MCM3AP: variants seen among roughly 807,000 people sequenced by gnomAD.
MCM3AP encodes the protein minichromosome maintenance complex component 3 associated protein.
A neutral mutation model predicts 184.1 loss-of-function variants in MCM3AP; 126 were observed. That is an observed-to-expected ratio of 0.68 (90% CI 0.59 to 0.79). The LOEUF is 0.79. Among genes scored for constraint, MCM3AP ranks in the 30% least tolerant of loss-of-function variants. MCM3AP has a pLI of 0.00. For synonymous variants in MCM3AP, 1,002 were observed against 979.3 expected, an observed-to-expected ratio of 1.02 and a Z score of -0.43; for missense variants, 2,496 against 2,479.2, an observed-to-expected ratio of 1.01 and a Z score of -0.14.
At chr21:46,279,638 CAA>C (rs1225690932) in intron 4 of MCM3AP, among the ~76,000 whole-genome samples, 4 of 152,186 alleles carry the variant, frequency 2.6e-5, no homozygotes, top group Admixed American at 6.5e-5. Flanking sequence ...AAGATGGAAA[CAA>C]GAAAAAAAGG....
Position 46,243,483 on chromosome 21 carries a change from G to A in MCM3AP, c.5278C>T (p.Arg1760Trp), listed in dbSNP as rs762013245. The change falls in exon 24 of 28, where the codon CGG (arginine) becomes TGG (tryptophan). Residue 1760 changes from arginine to tryptophan, a missense_variant. By Grantham distance (101) the Arg-to-Trp change is moderately radical (BLOSUM62 -3). Coordinates refer to ENST00000291688, the MANE Select transcript of MCM3AP (RefSeq NM_003906.5). ...NHKLRDWTPP[R>W]LPVTSEALSE... ...TAATTACCTGATGTAACAGGAAGCC[G>A]GGGGGGCGTCCAGTCTCTCAGCTTG... 1.6e-5 allele frequency: 25 copies of A among 1,608,974 alleles called. No individual in the cohort carries two copies. The highest frequency in any genetic ancestry group is 2.7e-5 in the African/African-American group (2 of 74,780).
intron 9 of MCM3AP, among the ~76,000 whole-genome samples, chr21:46,268,523 C>T (rs1044479772): frequency 4.6e-5 from 7 of 152,292 alleles, no homozygotes; most frequent in African/African-American, 9.6e-5. Flanking sequence ...GAGCAGGGAG[C>T]GCTGGTGGGG....
intron 23 of MCM3AP, 27 bp from the exon 24 acceptor site, chr21:46,243,749 C>T (rs1251940971): frequency 1.9e-6 from 3 of 1,608,344 alleles, no homozygotes; most frequent in African/African-American, 2.7e-5. Flanking sequence ...TCATTAGTTA[C>T]AGGTTTGGCC....
chr21:46,270,437 G>A lies in MCM3AP; in HGVS notation c.2592C>T (p.Tyr864=). Residue 864 remains tyrosine, a synonymous_variant, in exon 9 of 28, where the codon TAC becomes TAT. Transcript: ENST00000291688. ...AACAGTGTAAAAGACAAGCGTTCAGGTAAGAAGCTGACTGGACCAGTTTGA... is the reference window on the plus strand; with the variant it reads ...AACAGTGTAAAAGACAAGCGTTCAGATAAGAAGCTGACTGGACCAGTTTGA... ...RFFKLVQSAS[Y]LNACLLHCYF... 1.2e-6 allele frequency: 2 copies of A among 1,613,848 alleles called. No individual in the cohort carries two copies. The highest frequency in any genetic ancestry group is 3.3e-5 in the Admixed American group (2 of 59,946).
intron 13 of MCM3AP, 69 bp downstream of exon 13, chr21:46,264,048 A>T: frequency 9.3e-7 from 1 of 1,078,996 alleles, no homozygotes; most frequent in Non-Finnish European, 1.4e-6. Flanking sequence ...TTATGAGAGG[A>T]AACTTCTGGA....
chr21:46,246,944 T>G, intron 20 of MCM3AP, 58 bp from the exon 21 acceptor site: 1 of 1,573,922 alleles, frequency 6.4e-7, no homozygotes, highest in East Asian at 2.3e-5. Context: ...CAGCAGTGAC[T>G]GATCTGCCCC....
intron 20 of MCM3AP, 199 bp from the exon 21 acceptor site, chr21:46,247,085 T>C: frequency 1.8e-6 from 1 of 562,228 alleles, no homozygotes; most frequent in Non-Finnish European, 3.1e-6. Flanking sequence ...TGGCCCCTCT[T>C]TCCCTAAATC....
chr21:46,250,087 A>G (rs985745895), intron 20 of MCM3AP: 2 of 152,742 alleles, frequency 1.3e-5, no homozygotes, highest in African/African-American at 4.8e-5. Context: ...CTCTACCGAG[A>G]TATATACGGC....
chr21:46,277,478 G>C (rs368096624), intron 5 of MCM3AP, 49 bp downstream of exon 5: 2 of 1,441,692 alleles, frequency 1.4e-6, no homozygotes, highest in African/African-American at 1.4e-5. Context: ...TGGCACCCAA[G>C]ATGACGACCT....
chr21:46,240,744 T>A, intron 26 of MCM3AP, 67 bp downstream of exon 26: 2 of 1,408,668 alleles, frequency 1.4e-6, no homozygotes, highest in Non-Finnish European at 2.0e-6. Flanking sequence ...AATCAAGCAA[T>A]AACCAGTCTC....
intron 6 of MCM3AP, 60 bp downstream of exon 6, chr21:46,275,126 G>T: frequency 1.9e-6 from 3 of 1,539,100 alleles, no homozygotes; most frequent in Non-Finnish European, 2.6e-6. Flanking sequence ...AGTATGTACA[G>T]AAATGACAAA....
intron 15 of MCM3AP, among the ~76,000 whole-genome samples, 173 bp downstream of exon 15, chr21:46,260,620 A>G (rs1050447881): frequency 1.3e-5 from 2 of 152,236 alleles, no homozygotes; most frequent in African/African-American, 2.4e-5. Flanking sequence ...ATAAAATTCT[A>G]TTAGCCAAGG....
At position 46,283,608 on chromosome 21, in the gene MCM3AP, T is replaced by C. The variant is rs1471743308; in HGVS notation, c.1443+7A>G. 1.9e-6 allele frequency: 3 copies of C among 1,592,128 alleles called. No homozygotes were observed. Among genetic ancestry groups the C allele is most frequent in the Non-Finnish European group, 2.6e-6 (3 of 1,160,792 alleles). ...AGGGTAACAAATGGCAAGATGGGAGTACTCACATGATCAAAGAAATGTACC... is the reference window on the plus strand; with the variant it reads ...AGGGTAACAAATGGCAAGATGGGAGCACTCACATGATCAAAGAAATGTACC... On this transcript the variant is annotated splice_region_variant and intron_variant, in intron 2 of 27. Transcript: ENST00000291688.
rs2081197756 is a variant in MCM3AP, at chr21:46,272,757, G to A, written c.2269C>T (p.His757Tyr). ...TCCTCACACATGAAGTGGGCACAGT[G>A]GATGTGAAACCGGGTGCACTTCTCA... ...LIEKCTRFHIHCAHFMCEEPM... is the reference protein window; with the variant it reads ...LIEKCTRFHIYCAHFMCEEPM... Residue 757 changes from histidine to tyrosine, a missense_variant, in exon 8 of 28, where the codon CAC becomes TAC. Transcript: ENST00000291688. The A allele has an allele frequency of 6.2e-7, 1 of 1,613,850 alleles. No homozygotes were observed. The highest frequency in any genetic ancestry group is 8.5e-7 in the Non-Finnish European group (1 of 1,179,802).
rs1316783194 is a variant in MCM3AP, at chr21:46,240,921, T to C, written c.5523A>G (p.Gln1841=). 6.2e-7 allele frequency: 1 copy of C among 1,614,124 alleles called. No homozygotes were observed. The highest frequency in any genetic ancestry group is 8.5e-7 in the Non-Finnish European group (1 of 1,179,926). Residue 1841 remains glutamine (Q), a synonymous_variant, in exon 26 of 28, where the codon CAA becomes CAG. Transcript: ENST00000291688. ...CCTCTGTGCTGGGAATCCTCCCCTC[T>C]TGAGCACACTCTGTGCTCCTCTTCC... The part of the protein sequence containing the change: ...RNWKRSTECA[Q]EGRIPSTEDL...
intron 24 of MCM3AP, 105 bp downstream of exon 24, chr21:46,243,360 G>A: frequency 7.5e-7 from 1 of 1,326,870 alleles, no homozygotes; most frequent in Non-Finnish European, 1.0e-6. Flanking sequence ...GAAGGATAGA[G>A]ACCCAAAAGA....
chr21:46,271,535 T>C (rs1050324061), intron 8 of MCM3AP, among the ~76,000 whole-genome samples: 3 of 151,994 alleles, frequency 2.0e-5, no homozygotes, highest in Admixed American at 2.0e-4. Context: ...GGTCTCACCA[T>C]GTTGCCCAGG....
chr21:46,273,205 C>CCTCAGGT (rs2081205572), intron 7 of MCM3AP, among the ~76,000 whole-genome samples, 183 bp downstream of exon 7: 1 of 152,162 alleles, frequency 6.6e-6, no homozygotes, highest in South Asian at 2.1e-4. Flanking sequence ...AAACTCCTGA[C>CCTCAGGT]CTCAGGTGAT....
chr21:46,266,233 C>T, intron 10 of MCM3AP, 67 bp from the exon 11 acceptor site: 1 of 1,499,596 alleles, frequency 6.7e-7, no homozygotes, highest in South Asian at 1.3e-5. Flanking sequence ...CCCTCAGTGC[C>T]CTGCCGAGTA....
Sources: gnomAD v4.1 joint callset for allele counts (sites outside exome capture counted in the v4.1 genomes callset) on GRCh38, gnomAD v4.1.1 for gene constraint, MANE v1.5 for transcripts, NCBI Gene and HGNC (gene_info 2026-07-23, HGNC 2026-07-21) for gene names.